KCNIP4: variants seen among roughly 807,000 people sequenced by gnomAD.
KCNIP4 encodes potassium voltage-gated channel interacting protein 4.
KCNIP4 carries 12 observed loss-of-function variants against 34.0 expected under a neutral mutation model. The observed-to-expected ratio is 0.35, with a 90% CI of 0.23 to 0.57. KCNIP4 has a LOEUF of 0.57. Ranked by LOEUF, KCNIP4 falls within the 20% of genes least tolerant of loss-of-function variation. KCNIP4 has a pLI of 0.83. For synonymous variants in KCNIP4, 124 were observed against 102.2 expected (o/e 1.21, Z -1.29); for missense variants, 238 against 311.7 (o/e 0.76, Z 1.78).
At chr4:21,546,821 G>A (rs923301655) in intron 1 of KCNIP4, among the ~76,000 whole-genome samples, 1 of 151,992 alleles carries the variant, frequency 6.6e-6, no homozygotes, top group African/African-American at 2.4e-5. Context: ...AAGCTGAATG[G>A]GGCTCTGCAG....
intron 1 of KCNIP4, among the ~76,000 whole-genome samples, chr4:21,227,980 C>T (rs566694521): frequency 7.2e-5 from 11 of 152,240 alleles, no homozygotes; most frequent in African/African-American, 2.6e-4. Flanking sequence ...TACAGTGATA[C>T]TTTTGTAAAA....
At chr4:21,386,775 T>C (rs1722072846) in intron 1 of KCNIP4, among the ~76,000 whole-genome samples, 1 of 152,144 alleles carries the variant, frequency 6.6e-6, no homozygotes, top group South Asian at 2.1e-4. Context: ...GGACACTCTA[T>C]AGATCTTTGG....
chr4:21,833,220 G>A lies in KCNIP4; in HGVS notation c.61+115351C>T, dbSNP rs1417667581. Among the ~76,000 whole-genome samples the A allele has an allele frequency of 1.1e-4, 16 of 151,692 alleles. No individual in the cohort carries two copies. The East Asian group carries it at 3.1e-3, about 30-fold the overall frequency. On this transcript the variant is annotated intron_variant, in intron 1 of 8. Transcript: ENST00000382152. The stretch of plus-strand genomic sequence containing the variant: ...ACAGTCCCACCAACAGTGTAGAAGT[G>A]TTCCTATTTCTCCACATCCTCTCCA...
intron 1 of KCNIP4, among the ~76,000 whole-genome samples, chr4:21,665,099 C>A (rs1034890709): frequency 6.6e-6 from 1 of 152,134 alleles, no homozygotes; most frequent in Non-Finnish European, 1.5e-5. Flanking sequence ...CAATGTCTGA[C>A]ATATAGTGGG....
intron 1 of KCNIP4, among the ~76,000 whole-genome samples, chr4:21,857,488 G>A (rs535113986): frequency 6.6e-6 from 1 of 152,146 alleles, no homozygotes; most frequent in Non-Finnish European, 1.5e-5. Context: ...GTAGACAGGA[G>A]CTACCCACCA....
chr4:20,954,926 T>C (rs1303547893), intron 1 of KCNIP4, among the ~76,000 whole-genome samples: 2 of 152,222 alleles, frequency 1.3e-5, no homozygotes, highest in African/African-American at 4.8e-5. Flanking sequence ...AACCTCCGTC[T>C]TCAGGGTCAT....
intron 1 of KCNIP4, among the ~76,000 whole-genome samples, chr4:21,282,546 T>A (rs948842024): frequency 3.9e-5 from 6 of 152,130 alleles, no homozygotes; most frequent in African/African-American, 1.2e-4. Flanking sequence ...AAAATTGGTA[T>A]CTTTACTATA....
intron 1 of KCNIP4, among the ~76,000 whole-genome samples, chr4:21,237,185 T>A (rs965845535): frequency 6.6e-6 from 1 of 152,172 alleles, no homozygotes; most frequent in African/African-American, 2.4e-5. Context: ...CATTCTTTGA[T>A]TCTACAAAGA....
intron 1 of KCNIP4, among the ~76,000 whole-genome samples, chr4:21,650,949 T>C (rs1052242769): frequency 6.6e-6 from 1 of 151,504 alleles, no homozygotes; most frequent in African/African-American, 2.4e-5. Flanking sequence ...CCACAGTTCT[T>C]TGCCATATGG....
intron 3 of KCNIP4, among the ~76,000 whole-genome samples, chr4:20,785,435 G>T (rs1711845966): frequency 6.6e-6 from 1 of 151,250 alleles, no homozygotes; most frequent in African/African-American, 2.4e-5. Flanking sequence ...ATACCACTTA[G>T]GAAGCTGGTG....
At position 21,492,672 on chromosome 4, in the gene KCNIP4, T is replaced by C. The variant is rs571263399; in HGVS notation, c.61+455899A>G. ...ACAGAAAAACAATTATTTTCCTAAC[T>C]GCTACCTTTAAAATTCTTTGAAGCG... On this transcript the variant is annotated intron_variant, in intron 1 of 8. Coordinates refer to ENST00000382152, the MANE Select transcript of KCNIP4 (RefSeq NM_025221.6). Among the ~76,000 whole-genome samples the C allele has an allele frequency of 3.3e-5, 5 of 152,326 alleles. No individual in the cohort carries two copies. The South Asian group carries it at 8.3e-4, about 25-fold the overall frequency.
At chr4:20,982,263 G>A (rs190039164) in intron 1 of KCNIP4, among the ~76,000 whole-genome samples, 1 of 152,254 alleles carries the variant, frequency 6.6e-6, no homozygotes, top group East Asian at 1.9e-4. Flanking sequence ...CCAGTACAAT[G>A]CACTGAAGTT....
At chr4:21,196,788 CTTTA>C (rs896385917) in intron 1 of KCNIP4, among the ~76,000 whole-genome samples, 12 of 152,108 alleles carry the variant, frequency 7.9e-5, no homozygotes, top group African/African-American at 2.9e-4. Context: ...AGTCTTGTCT[CTTTA>C]TTCAATTTAA....
At chr4:21,261,870 T>G (rs547891526) in intron 1 of KCNIP4, among the ~76,000 whole-genome samples, 5 of 152,238 alleles carry the variant, frequency 3.3e-5, no homozygotes, top group African/African-American at 9.6e-5. Flanking sequence ...CCACTCCAAT[T>G]TACACTTCTC....
chr4:21,461,219 C>T (rs1729436294), intron 1 of KCNIP4, among the ~76,000 whole-genome samples: 1 of 151,952 alleles, frequency 6.6e-6, no homozygotes, highest in Admixed American at 6.6e-5. Context: ...CTGTGTCTCG[C>T]TCTCTCTCCA....
intron 1 of KCNIP4, among the ~76,000 whole-genome samples, chr4:21,256,896 T>C (rs977946183): frequency 6.6e-6 from 1 of 152,098 alleles, no homozygotes; most frequent in African/African-American, 2.4e-5. Context: ...TGCTCAAATT[T>C]TGGTTGCTGA....
At chr4:20,835,221 G>T (rs1424148735) in intron 3 of KCNIP4, among the ~76,000 whole-genome samples, 1 of 152,042 alleles carries the variant, frequency 6.6e-6, no homozygotes, top group Non-Finnish European at 1.5e-5. Flanking sequence ...CTCTCTGGTT[G>T]CTTCTTTTCA....
intron 1 of KCNIP4, among the ~76,000 whole-genome samples, chr4:21,456,484 A>T (rs1421324236): frequency 6.8e-6 from 1 of 148,130 alleles, no homozygotes; most frequent in Non-Finnish European, 1.5e-5. Context: ...ATATTTTCTT[A>T]ATTTATATTT....
At chr4:21,579,789 A>C (rs1457497616) in intron 1 of KCNIP4, among the ~76,000 whole-genome samples, 2 of 152,212 alleles carry the variant, frequency 1.3e-5, no homozygotes, top group African/African-American at 4.8e-5. Flanking sequence ...CATAGAGATA[A>C]AAACTTTATT....
Sources: allele counts gnomAD v4.1 joint callset (sites outside exome capture counted in the v4.1 genomes callset), GRCh38; gene constraint gnomAD v4.1.1; transcripts MANE v1.5; gene names NCBI Gene and HGNC (gene_info 2026-07-23, HGNC 2026-07-21).